Variants in DNAH1 observed in about 807,000 individuals in gnomAD.
DNAH1 encodes the protein axonemal beta dynein heavy chain 1.
A neutral mutation model predicts 484.3 loss-of-function variants in DNAH1; 327 were observed. That is an observed-to-expected ratio of 0.68 (90% CI 0.62 to 0.74). The LOEUF (loss-of-function observed/expected upper bound fraction) is 0.74. DNAH1 is among the 30% of genes least tolerant of loss of function. The probability of loss-of-function intolerance (pLI) is 0.00; values close to 1 mark genes in which losing one functional copy is unlikely to be tolerated. For synonymous variants in DNAH1, 2,192 were observed against 2,191.9 expected (o/e 1.00, Z 0.00); for missense variants, 5,052 against 5,546.8 (o/e 0.91, Z 2.83).
At chr3:52,391,417 G>A (rs1396259387) in intron 62 of DNAH1, 26 bp from the exon 63 acceptor site, 1 of 1,599,966 alleles carries the variant, frequency 6.3e-7, no homozygotes, top group East Asian at 2.3e-5. Context: ...TCAGGCCACA[G>A]TACCCACCGG....
rs61734629 is a variant in DNAH1 at position 52,388,882 on chromosome 3, T to A, written c.9440T>A (p.Ile3147Asn). The A allele has an allele frequency of 1.8e-4, 287 of 1,613,426 alleles. No individual in the cohort carries two copies. The African/African-American group carries it at 3.7e-3, about 21-fold the overall frequency. ...VENLQYMLNN[I>N]SGDVLVAAGF... ...AACCTGCAGTACATGCTCAACAACA[T>A]CTCCGGCGATGTCCTGGTGGCCGCT... The change falls in exon 59 of 78, where the codon ATC becomes AAC. Residue 3147 changes from isoleucine to asparagine, a missense_variant. Transcript: ENST00000420323.
At chr3:52,397,989 G>A (rs1263779355) in intron 74 of DNAH1, 43 bp from the exon 75 acceptor site, 1 of 1,601,238 alleles carries the variant, frequency 6.2e-7, no homozygotes, top group African/African-American at 1.3e-5. Flanking sequence ...CAGGGGATAA[G>A]GGGGCCCAGC....
intron 5 of DNAH1, 38 bp from the exon 6 acceptor site, chr3:52,327,844 G>A: frequency 6.2e-7 from 1 of 1,607,994 alleles, no homozygotes; most frequent in Admixed American, 1.7e-5. Context: ...CCCACTAGAG[G>A]AGCTGCTTCT....
Position 52,394,486 on chromosome 3 carries a change from T to C in DNAH1, c.10648T>C (p.Ser3550Pro), listed in dbSNP as rs777536708. Reference protein sequence around the residue: ...INQSEWRYLLSGGSISIMTEN... With the variant: ...INQSEWRYLLPGGSISIMTEN... ...CCAGAGTGAGTGGCGATACCTCCTGTCTGGGGGCTCCATCTCGATCATGAC... is the reference window on the plus strand; with the variant it reads ...CCAGAGTGAGTGGCGATACCTCCTGCCTGGGGGCTCCATCTCGATCATGAC... The change falls in exon 67 of 78, where the codon TCT (serine) becomes CCT (proline). Residue 3550 changes from serine to proline, a missense_variant. Coordinates refer to ENST00000420323, the MANE Select transcript of DNAH1 (RefSeq NM_015512.5). The C allele has an allele frequency of 3.7e-6, 6 of 1,613,978 alleles. No homozygotes were observed. The South Asian group carries it at 4.4e-5, about 12-fold the overall frequency.
intron 67 of DNAH1, 71 bp downstream of exon 67, chr3:52,394,732 G>T (rs1704542941): frequency 1.3e-6 from 2 of 1,513,866 alleles, no homozygotes; most frequent in Admixed American, 2.2e-5. Context: ...GGCTTGTCTG[G>T]GCGCCTTCTC....
chr3:52,361,607 C>A lies in DNAH1; in HGVS notation c.4875-54C>A. ...TGGAGGGGGCCCTCAGAGGGAGGTG[C>A]CCAGATTGGGCTCTGAACACATGTG... On this transcript the variant is annotated intron_variant, in intron 29 of 77. Coordinates refer to ENST00000420323, the MANE Select transcript of DNAH1 (RefSeq NM_015512.5). The surrounding 1 kb of genome is among the most constrained non-coding windows in gnomAD (Gnocchi z 5.6). 1 of 1,524,674 alleles carries A rather than the reference C, an allele frequency of 6.6e-7. No individual in the cohort carries two copies. The highest frequency in any genetic ancestry group is 1.2e-5 in the South Asian group (1 of 83,268). The allele number at this position is 1,524,674 out of a possible 1,614,324, so 94.4% of individuals were successfully genotyped here. A position where few individuals can be genotyped will look rare whatever the true frequency, so the allele number is the denominator to read the frequency against.
chr3:52,372,069 C>T lies in DNAH1; in HGVS notation c.6649C>T (p.Leu2217Phe), dbSNP rs1305790978. The change falls in exon 42 of 78, where the codon CTC (leucine) becomes TTC (phenylalanine). Residue 2217 changes from leucine to phenylalanine, a missense_variant. Physicochemically the swap from Leu to Phe is conservative, Grantham distance 22. Coordinates refer to ENST00000420323, the MANE Select transcript of DNAH1 (RefSeq NM_015512.5). ...GATGTCCCATTTACTGGACATGCTG[C>T]TCACCAACAAGAAGCCCGTGAGCAC... ...VQMSHLLDMLLTNKKPVLCIG... is the reference protein window; with the variant it reads ...VQMSHLLDMLFTNKKPVLCIG... The T allele has an allele frequency of 6.2e-6, 10 of 1,613,704 alleles. No individual in the cohort carries two copies. The highest frequency in any genetic ancestry group is 2.7e-5 in the African/African-American group (2 of 75,038).
At chr3:52,339,017 G>A (rs181089742) in intron 8 of DNAH1, among the ~76,000 whole-genome samples, 56 of 151,738 alleles carry the variant, frequency 3.7e-4, no homozygotes, top group African/African-American at 1.2e-3. Flanking sequence ...CTGGGTGACA[G>A]AGCCAGACTC....
chr3:52,345,933 C>T (rs1438909499), intron 10 of DNAH1, among the ~76,000 whole-genome samples: 1 of 152,208 alleles, frequency 6.6e-6, no homozygotes, highest in African/African-American at 2.4e-5. Context: ...AAAACCAGGG[C>T]AGGCTCTCTT....
chr3:52,359,368 C>G lies in DNAH1; in HGVS notation c.4389C>G (p.Phe1463Leu). 6.4e-7 allele frequency: 1 copy of G among 1,570,846 alleles called. No homozygotes were observed. The highest frequency in any genetic ancestry group is 8.6e-7 in the Non-Finnish European group (1 of 1,157,266). Residue 1463 changes from phenylalanine to leucine, a missense_variant, in exon 26 of 78, where the codon TTC becomes TTG. Around this residue, in one of 4 missense-constraint regions of DNAH1, gnomAD observed 2,929 missense variants for 3,409.4 expected, o/e 0.86. Transcript: ENST00000420323. ...CCGGCAACCTCAGAAGCCAACTGTTCCCCCAGCTCTGCCAGCAGGTTGGAG... is the reference window on the plus strand; with the variant it reads ...CCGGCAACCTCAGAAGCCAACTGTTGCCCCAGCTCTGCCAGCAGGTTGGAG... ...LEAGNLRSQL[F>L]PQLCQQLSDL...
At chr3:52,328,635 G>T (rs1331693316) in intron 6 of DNAH1, among the ~76,000 whole-genome samples, 1 of 152,256 alleles carries the variant, frequency 6.6e-6, no homozygotes, top group Non-Finnish European at 1.5e-5. Context: ...AATCTGCCCA[G>T]GGAGTGCCCT....
Position 52,344,538 on chromosome 3 carries a change from T to C in DNAH1, c.1335T>C (p.Tyr445=), listed in dbSNP as rs868394302. 22 of 1,614,020 alleles carry C rather than the reference T, an allele frequency of 1.4e-5. No homozygotes were observed. The highest frequency in any genetic ancestry group is 3.3e-4 in the Middle Eastern group (2 of 6,060). The change falls in exon 9 of 78, where the codon TAT becomes TAC. Residue 445 remains tyrosine, a synonymous_variant. Transcript: ENST00000420323. ...TTGCCAGAGAAGTGAGCCTGGACTA[T>C]GAGCGCAGCATGAACAAGATCAACT... ...SSLAREVSLD[Y]ERSMNKINFD...
At chr3:52,325,200 G>A (rs1428679586) in intron 3 of DNAH1, among the ~76,000 whole-genome samples, 1 of 152,194 alleles carries the variant, frequency 6.6e-6, no homozygotes. Context: ...CTGAGCCTTG[G>A]ACACTGCCCA....
intron 1 of DNAH1, among the ~76,000 whole-genome samples, chr3:52,319,005 G>A (rs1001450324): frequency 2.6e-5 from 4 of 152,178 alleles, no homozygotes; most frequent in African/African-American, 4.8e-5. Flanking sequence ...CTCAGCACCC[G>A]GTTGGAGAAC....
intron 46 of DNAH1, 98 bp from the exon 47 acceptor site, chr3:52,378,504 G>T (rs752513960): frequency 7.6e-7 from 1 of 1,314,726 alleles, no homozygotes. Context: ...GGGGCTTGGT[G>T]GGGGGCACAG....
rs1042654470 is a variant in DNAH1 at position 52,399,139 on chromosome 3, A to G, written c.12379A>G (p.Thr4127Ala). The G allele has an allele frequency of 1.2e-6, 2 of 1,613,756 alleles. No individual in the cohort carries two copies. The highest frequency in any genetic ancestry group is 1.7e-5 in the Admixed American group (1 of 59,984). Residue 4127 changes from threonine to alanine, a missense_variant, in exon 76 of 78, where the codon ACT becomes GCT. Around this residue, in one of 4 missense-constraint regions of DNAH1, gnomAD observed 853 missense variants for 899.0 expected, o/e 0.95. Coordinates refer to ENST00000420323, the MANE Select transcript of DNAH1 (RefSeq NM_015512.5). Reference sequence around the variant, plus strand: ...CTTCCCCCAGGCTTTCTTAACAGGCACTCTGCAGAATTTTGCCCGCAAATT... The same window carrying G: ...CTTCCCCCAGGCTTTCTTAACAGGCGCTCTGCAGAATTTTGCCCGCAAATT... ...FFFPQAFLTGTLQNFARKFVI... is the reference protein window; with the variant it reads ...FFFPQAFLTGALQNFARKFVI...
At chr3:52,342,013 A>T (rs1457102183) in intron 8 of DNAH1, among the ~76,000 whole-genome samples, 1 of 152,238 alleles carries the variant, frequency 6.6e-6, no homozygotes, top group South Asian at 2.1e-4. Context: ...ACCAAGCGAG[A>T]GAAGGGAATA....
Position 52,375,351 on chromosome 3 carries a change from T to A in DNAH1, c.7097T>A (p.Phe2366Tyr). 2 of 1,613,734 alleles carry A rather than the reference T, an allele frequency of 1.2e-6. No individual in the cohort carries two copies. The highest frequency in any genetic ancestry group is 1.7e-6 in the Non-Finnish European group (2 of 1,179,782). ...ATGCGTCACTTCAACTACCTGTCTT[T>A]CGCTGAGATGGACGAGGTCAGCAAG... ...RLMRHFNYLSFAEMDEVSKKR... is the reference protein window; with the variant it reads ...RLMRHFNYLSYAEMDEVSKKR... The change falls in exon 45 of 78, where the codon TTC (phenylalanine) becomes TAC (tyrosine). Residue 2366 changes from phenylalanine (F) to tyrosine (Y), a missense_variant. This residue lies in a region of DNAH1 where 2,929 missense variants were observed against 3,409.4 expected (regional missense o/e 0.86). Coordinates refer to ENST00000420323, the MANE Select transcript of DNAH1 (RefSeq NM_015512.5).
rs1320194162 is a variant in DNAH1 at position 52,397,726 on chromosome 3, A to G, written c.11807A>G (p.Lys3936Arg). The G allele has an allele frequency of 3.1e-6, 5 of 1,610,948 alleles. No individual in the cohort carries two copies. The highest frequency in any genetic ancestry group is 4.2e-6 in the Non-Finnish European group (5 of 1,178,284). ...TCCTAGGGCTACCTCTCCTACATCA[A>G]GAGCCTCCCACTCAATGATATGCCT... ...YDLHGYLSYI[K>R]SLPLNDMPEI... Residue 3936 changes from lysine (K) to arginine (R), a missense_variant, in exon 74 of 78, where the codon AAG becomes AGG. Around this residue, in one of 4 missense-constraint regions of DNAH1, gnomAD observed 853 missense variants for 899.0 expected, o/e 0.95. Transcript: ENST00000420323.
Sources: allele counts gnomAD v4.1 joint callset (sites outside exome capture counted in the v4.1 genomes callset), GRCh38; gene constraint gnomAD v4.1.1; regional missense constraint gnomAD v4.1.1; non-coding constraint Gnocchi (gnomAD v3.1); transcripts MANE v1.5; gene names NCBI Gene and HGNC (gene_info 2026-07-23, HGNC 2026-07-21).